DCBLD2: variants seen among roughly 807,000 people sequenced by gnomAD.
The protein encoded by DCBLD2 is discoidin, CUB and LCCL domain-containing protein 2.
A neutral mutation model predicts 86.8 loss-of-function variants in DCBLD2; 54 were observed. The ratio of observed to expected loss-of-function variants is 0.62; its 90% confidence interval spans 0.50 to 0.78. The LOEUF (loss-of-function observed/expected upper bound fraction) is 0.78. Among genes scored for constraint, DCBLD2 ranks in the 30% least tolerant of loss-of-function variants. The pLI is 0.00. For missense variants in DCBLD2, 908 were observed against 954.2 expected (o/e 0.95, Z 0.64); for synonymous variants, 354 against 341.3 (o/e 1.04, Z -0.41).
intron 13 of DCBLD2, among the ~76,000 whole-genome samples, chr3:98,803,800 A>G (rs576856907): frequency 1.2e-4 from 18 of 152,322 alleles, no homozygotes; most frequent in Admixed American, 9.2e-4. Flanking sequence ...TTATTGAGAT[A>G]ATCATGTAGT....
chr3:98,800,414 T>A (rs1328404334), intron 15 of DCBLD2, among the ~76,000 whole-genome samples, 165 bp downstream of exon 15: 2 of 152,202 alleles, frequency 1.3e-5, no homozygotes, highest in Non-Finnish European at 2.9e-5. Flanking sequence ...GATACAGAAA[T>A]GACTCTCTGA....
chr3:98,826,658 C>A (rs764019387), intron 3 of DCBLD2, among the ~76,000 whole-genome samples: 1 of 152,160 alleles, frequency 6.6e-6, no homozygotes, highest in African/African-American at 2.4e-5. Context: ...TTTGTCCTCA[C>A]CTTTGTATTT....
At chr3:98,891,244 AAAGCAAGC>A (rs969847869) in intron 1 of DCBLD2, among the ~76,000 whole-genome samples, 2 of 151,504 alleles carry the variant, frequency 1.3e-5, no homozygotes, top group Admixed American at 6.6e-5. Context: ...AAGAAAGAAA[AAAGCAAGC>A]AAGCAAGCAA....
At chr3:98,870,769 GAA>G (rs1328139979) in intron 2 of DCBLD2, among the ~76,000 whole-genome samples, 1 of 147,252 alleles carries the variant, frequency 6.8e-6, no homozygotes, top group African/African-American at 2.5e-5. Flanking sequence ...AAGAAAGAAA[GAA>G]AGAAAGAAAG....
intron 3 of DCBLD2, among the ~76,000 whole-genome samples, chr3:98,826,499 TTTTG>T (rs1942223670): frequency 6.6e-6 from 1 of 152,226 alleles, no homozygotes; most frequent in Admixed American, 6.5e-5. Context: ...GGCACTTAAG[TTTTG>T]TTTGTTTTAA....
In DCBLD2 at chr3:98,901,217, G is replaced by A. The variant is rs1419666330; in HGVS notation, c.110C>T (p.Pro37Leu). ...WAALPLSRSLPPCSNSSSFSM... is the reference protein window; with the variant it reads ...WAALPLSRSLLPCSNSSSFSM... ...GAAGGAGGAGGAGTTGGAGCAGGGA[G>A]GGAGGGAGCGGGAGAGGGGGAGCGC... Residue 37 changes from proline (P) to leucine (L), a missense_variant, in exon 1 of 16, where the codon CCT becomes CTT. Pro to Leu is a moderately conservative substitution (Grantham distance 98, BLOSUM62 -3). Coordinates refer to ENST00000326840, the MANE Select transcript of DCBLD2 (RefSeq NM_080927.4). 6.5e-7 allele frequency: 1 copy of A among 1,535,540 alleles called. No individual in the cohort carries two copies. Among genetic ancestry groups the A allele is most frequent in the South Asian group, 1.2e-5 (1 of 84,002 alleles).
rs570866712 is a variant in DCBLD2, at chr3:98,799,792, T to A, written c.1908A>T (p.Arg636Ser). 1 of 1,613,846 alleles carries A rather than the reference T, an allele frequency of 6.2e-7. No individual in the cohort carries two copies. Among genetic ancestry groups the A allele is most frequent in the African/African-American group, 1.3e-5 (1 of 75,040 alleles). ...VGGIVGTLHQ[R>S]STFKPEEGKE... Reference sequence around the variant, plus strand: ...TTCCTTCTTCTGGTTTAAAGGTAGATCTTTGATGAAGTGTACCAACAATTC... The same window carrying A: ...TTCCTTCTTCTGGTTTAAAGGTAGAACTTTGATGAAGTGTACCAACAATTC... The change falls in exon 16 of 16, where the codon AGA becomes AGT. Residue 636 changes from arginine (R) to serine (S), a missense_variant. This residue lies in a region of DCBLD2 where 606 missense variants were observed against 678.5 expected (regional missense o/e 0.89). Transcript: ENST00000326840.
chr3:98,860,824 C>G (rs1401028021), intron 2 of DCBLD2, among the ~76,000 whole-genome samples: 1 of 152,116 alleles, frequency 6.6e-6, no homozygotes, highest in Non-Finnish European at 1.5e-5. Context: ...AACTAACAAG[C>G]AAAATAACCA....
intron 13 of DCBLD2, chr3:98,801,852 A>G (rs1941726927): frequency 8.7e-6 from 4 of 459,792 alleles, no homozygotes; most frequent in African/African-American, 5.9e-5. Flanking sequence ...GATGGTTTCC[A>G]GCTTCATCCA....
intron 3 of DCBLD2, among the ~76,000 whole-genome samples, chr3:98,831,580 G>A (rs1487096226): frequency 6.6e-6 from 1 of 152,020 alleles, no homozygotes; most frequent in East Asian, 1.9e-4. Context: ...TTTTTGATGT[G>A]GGCATTTAGT....
chr3:98,891,152 G>A (rs768841605), intron 1 of DCBLD2, among the ~76,000 whole-genome samples: 18 of 151,526 alleles, frequency 1.2e-4, no homozygotes, highest in Non-Finnish European at 2.2e-4. Flanking sequence ...GTGAGTGTGA[G>A]AATGTGTGTG....
chr3:98,868,024 C>G (rs137932894), intron 2 of DCBLD2, among the ~76,000 whole-genome samples: 3 of 151,930 alleles, frequency 2.0e-5, no homozygotes. Flanking sequence ...AGGATGGTCT[C>G]GATCTCCTGA....
chr3:98,869,810 T>G (rs906939124), intron 2 of DCBLD2, among the ~76,000 whole-genome samples: 1 of 152,228 alleles, frequency 6.6e-6, no homozygotes, highest in Non-Finnish European at 1.5e-5. Flanking sequence ...GCCAACAACT[T>G]TTCATGAACA....
chr3:98,889,016 T>C (rs1421305303), intron 1 of DCBLD2, among the ~76,000 whole-genome samples: 1 of 151,966 alleles, frequency 6.6e-6, no homozygotes, highest in African/African-American at 2.4e-5. Flanking sequence ...TCTCTCTCCA[T>C]CTGTTAAGCT....
intron 2 of DCBLD2, among the ~76,000 whole-genome samples, chr3:98,876,593 G>A (rs1053402014): frequency 6.6e-5 from 10 of 152,180 alleles, no homozygotes; most frequent in African/African-American, 1.9e-4. Context: ...TGGAAAACAA[G>A]CATTTTTATG....
intron 9 of DCBLD2, among the ~76,000 whole-genome samples, chr3:98,817,017 A>T (rs1942034363): frequency 6.6e-6 from 1 of 152,166 alleles, no homozygotes; most frequent in African/African-American, 2.4e-5. Flanking sequence ...TCCTGAGCTC[A>T]AGCAATCCCA....
At chr3:98,886,572 T>C (rs1436109046) in intron 1 of DCBLD2, among the ~76,000 whole-genome samples, 1 of 152,064 alleles carries the variant, frequency 6.6e-6, no homozygotes, top group Non-Finnish European at 1.5e-5. Flanking sequence ...CTCCTCGACA[T>C]GTTCTCCACC....
chr3:98,870,013 T>G lies in DCBLD2; in HGVS notation c.433+11527A>C, dbSNP rs957446644. On this transcript the variant is annotated intron_variant, in intron 2 of 15. Coordinates refer to ENST00000326840, the MANE Select transcript of DCBLD2 (RefSeq NM_080927.4). The stretch of plus-strand genomic sequence containing the variant: ...CATAGGGTGCTATTTTGTGGCAAAT[T>G]TACTTTGGGGTAAATGATGCAGCCG... Among the ~76,000 whole-genome samples the G allele has an allele frequency of 3.9e-5, 6 of 152,334 alleles. 1 individual carries two copies. Among genetic ancestry groups the G allele is most frequent in the Admixed American group, 2.6e-4 (4 of 15,298 alleles).
At chr3:98,888,806 A>C (rs886244334) in intron 1 of DCBLD2, among the ~76,000 whole-genome samples, 3 of 151,996 alleles carry the variant, frequency 2.0e-5, no homozygotes, top group African/African-American at 7.2e-5. Context: ...AATGCTCACT[A>C]ATCAACCCAA....
Sources: gnomAD v4.1 joint callset for allele counts (sites outside exome capture counted in the v4.1 genomes callset) on GRCh38, gnomAD v4.1.1 for gene constraint, gnomAD v4.1.1 regional missense constraint, MANE v1.5 for transcripts, NCBI Gene and HGNC (gene_info 2026-07-23, HGNC 2026-07-21) for gene names.